CYRIB: variants seen among roughly 807,000 people sequenced by gnomAD.
The protein encoded by CYRIB is CYFIP related Rac1 interactor B, also known as CYFIP-related Rac1 interactor B.
CYRIB carries 8 observed loss-of-function variants against 44.2 expected under a neutral mutation model. The ratio of observed to expected loss-of-function variants is 0.18; its 90% CI spans 0.11 to 0.33. The LOEUF is 0.33. CYRIB is among the 10% of genes least tolerant of loss of function. The pLI is 1.00. For synonymous variants in CYRIB, 131 were observed against 127.2 expected (o/e 1.03, Z -0.20); for missense variants, 185 against 382.8 (o/e 0.48, Z 4.31).
At chr8:129,880,510 G>A in intron 2 of CYRIB, 2 of 875,154 alleles carry the variant, frequency 2.3e-6, no homozygotes, top group Non-Finnish European at 2.7e-6. Context: ...ATTTTAAGCA[G>A]AGGCCTGGGA....
chr8:129,893,048 T>C (rs1289987595), intron 2 of CYRIB, among the ~76,000 whole-genome samples: 1 of 152,176 alleles, frequency 6.6e-6, no homozygotes, highest in Non-Finnish European at 1.5e-5. Context: ...TTTGAATGTT[T>C]AAAAATGTAA....
intron 2 of CYRIB, among the ~76,000 whole-genome samples, chr8:129,960,649 GAAAAAAAA>G (rs746019281): frequency 3.4e-5 from 1 of 29,040 alleles, no homozygotes; most frequent in Non-Finnish European, 6.9e-5. Context: ...TCTGTCTCAA[GAAAAAAAA>G]AAAAAAAAAA....
At position 129,879,372 on chromosome 8, in the gene CYRIB, T is replaced by C. The variant is rs756298044; in HGVS notation, c.73+17A>G. 1.9e-6 allele frequency: 3 copies of C among 1,569,620 alleles called. No individual in the cohort carries two copies. The highest frequency in any genetic ancestry group is 1.7e-5 in the Admixed American group (1 of 58,822). On this transcript the variant is annotated intron_variant, in intron 3 of 11. Transcript: ENST00000519824. The stretch of plus-strand genomic sequence containing the variant: ...TACTGCAGGCAAAGAGAAATAGATA[T>C]AAAATCATCTTCTCACTTTCAAAAT...
intron 2 of CYRIB, among the ~76,000 whole-genome samples, chr8:129,886,765 C>T (rs990964242): frequency 2.0e-5 from 3 of 152,040 alleles, no homozygotes; most frequent in African/African-American, 7.2e-5. Flanking sequence ...TCCTCCTCAA[C>T]ACACTTTTAT....
intron 2 of CYRIB, among the ~76,000 whole-genome samples, chr8:129,892,554 C>T (rs543927237): frequency 6.6e-6 from 1 of 151,556 alleles, no homozygotes; most frequent in South Asian, 2.1e-4. Flanking sequence ...TAAATATATG[C>T]CAATAGTTTC....
intron 2 of CYRIB, among the ~76,000 whole-genome samples, chr8:129,898,236 G>C (rs1472954500): frequency 1.3e-5 from 2 of 152,004 alleles, no homozygotes; most frequent in Non-Finnish European, 2.9e-5. Flanking sequence ...CATGACGTTA[G>C]TGCTAATGTT....
At chr8:129,936,065 A>G (rs957207739) in intron 1 of CYRIB, among the ~76,000 whole-genome samples, 6 of 152,248 alleles carry the variant, frequency 3.9e-5, no homozygotes, top group African/African-American at 1.4e-4. Flanking sequence ...GTACAGAACA[A>G]GTGAACATTA....
chr8:129,890,917 A>G (rs1304131777), intron 2 of CYRIB, among the ~76,000 whole-genome samples: 1 of 152,012 alleles, frequency 6.6e-6, no homozygotes, highest in African/African-American at 2.4e-5. Context: ...AAAAAAAAAA[A>G]GAAAAAATAA....
chr8:129,880,599 A>G (rs943948302), intron 2 of CYRIB: 4 of 198,470 alleles, frequency 2.0e-5, no homozygotes, highest in African/African-American at 9.5e-5. Context: ...TTGGAACAAC[A>G]AAAGCACATT....
At chr8:129,884,856 A>T (rs2062112657) in intron 2 of CYRIB, among the ~76,000 whole-genome samples, 2 of 152,044 alleles carry the variant, frequency 1.3e-5, no homozygotes, top group African/African-American at 4.8e-5. Flanking sequence ...TTCTGGTGGA[A>T]TTTTTTTTAC....
chr8:129,939,029 A>G (rs1241196922), intron 1 of CYRIB, among the ~76,000 whole-genome samples: 1 of 152,226 alleles, frequency 6.6e-6, no homozygotes, highest in Non-Finnish European at 1.5e-5. Context: ...ACAACGCAGT[A>G]TCTAAGTTGG....
In CYRIB at chr8:129,852,125, A is replaced by G. The variant is rs2043603071; in HGVS notation, c.633+37T>C. 3.0e-6 allele frequency: 4 copies of G among 1,322,350 alleles called. No individual in the cohort carries two copies. The East Asian group carries it at 1.0e-4, about 35-fold the overall frequency. The allele number at this position is 1,322,350 out of a possible 1,614,324, so 81.9% of individuals were successfully genotyped here. A position where few individuals can be genotyped will look rare whatever the true frequency, so the allele number is the denominator to read the frequency against. On this transcript the variant is annotated intron_variant, in intron 8 of 11. Coordinates refer to ENST00000519824, the Ensembl canonical transcript of CYRIB. ...CATCACGTCTGCCAACAGGGGCATAAATAACAACACAGAGTACCTGCCTAG... is the reference window on the plus strand; with the variant it reads ...CATCACGTCTGCCAACAGGGGCATAGATAACAACACAGAGTACCTGCCTAG...
chr8:129,915,560 G>C (rs1342234275), intron 1 of CYRIB, among the ~76,000 whole-genome samples: 1 of 152,208 alleles, frequency 6.6e-6, no homozygotes, highest in Non-Finnish European at 1.5e-5. Context: ...CTAGGGGCAG[G>C]TAGGGTGGAT....
chr8:129,936,704 C>CTTT (rs397893033), intron 1 of CYRIB, among the ~76,000 whole-genome samples: 12 of 118,238 alleles, frequency 1.0e-4, no homozygotes, highest in East Asian at 2.6e-4. Context: ...ATATAGCAGT[C>CTTT]TTTTTTTTTT....
chr8:130,016,990 TC>T (rs1367732015), upstream of CYRIB: 3 of 152,308 alleles, frequency 2.0e-5, no homozygotes, highest in East Asian at 5.8e-4. Flanking sequence ...CCGGCCAGGT[TC>T]CCATCCCTGG....
chr8:129,896,945 T>G (rs2068382194), intron 2 of CYRIB: 1 of 152,192 alleles, frequency 6.6e-6, no homozygotes, highest in Admixed American at 6.5e-5. Flanking sequence ...GGATAAGAGA[T>G]TCTTAAAAAT....
At chr8:129,937,760 T>A (rs913411639) in intron 1 of CYRIB, among the ~76,000 whole-genome samples, 1 of 152,202 alleles carries the variant, frequency 6.6e-6, no homozygotes, top group Non-Finnish European at 1.5e-5. Context: ...CTAGAATTCA[T>A]ACTATATATC....
intron 1 of CYRIB, among the ~76,000 whole-genome samples, chr8:130,005,917 T>C (rs1157995514): frequency 1.3e-5 from 2 of 151,922 alleles, no homozygotes; most frequent in Non-Finnish European, 2.9e-5. Context: ...ACCCTCAGAA[T>C]AGATGACAAC....
At chr8:129,900,188 A>C (rs2070793590) in intron 2 of CYRIB, among the ~76,000 whole-genome samples, 1 of 152,184 alleles carries the variant, frequency 6.6e-6, no homozygotes, top group African/African-American at 2.4e-5. Context: ...TGGACAAAGC[A>C]GCAAATGAGT....
Sources: allele counts gnomAD v4.1 joint callset (sites outside exome capture counted in the v4.1 genomes callset), GRCh38; gene constraint gnomAD v4.1.1; transcripts MANE v1.5; gene names NCBI Gene and HGNC (gene_info 2026-07-23, HGNC 2026-07-21).